The following PPP6R2 variants were observed in gnomAD, a reference collection of about 807,000 sequenced individuals.
PPP6R2 encodes the protein serine/threonine-protein phosphatase 6 regulatory subunit 2.
Under a neutral mutation model 100.2 loss-of-function variants are expected in PPP6R2, and 62 were observed. The ratio of observed to expected loss-of-function variants is 0.62; its 90% CI spans 0.50 to 0.76. The LOEUF (loss-of-function observed/expected upper bound fraction) is 0.76, where lower values mean the gene tolerates loss of function less well. Among genes scored for constraint, PPP6R2 ranks in the 30% least tolerant of loss-of-function variants. The pLI is 0.00. For synonymous variants in PPP6R2, 525 were observed against 514.7 expected (o/e 1.02, Z -0.27); for missense variants, 1,142 against 1,276.3 (o/e 0.89, Z 1.60).
intron 2 of PPP6R2, among the ~76,000 whole-genome samples, chr22:50,378,127 CG>C (rs2052025633): frequency 6.6e-6 from 1 of 152,064 alleles, no homozygotes; most frequent in African/African-American, 2.4e-5. Context: ...TTAAAATAAA[CG>C]AAAAACACAG....
chr22:50,377,720 A>T (rs1195085783), intron 2 of PPP6R2, among the ~76,000 whole-genome samples: 1 of 152,146 alleles, frequency 6.6e-6, no homozygotes, highest in South Asian at 2.1e-4. Flanking sequence ...AGAAGTCTAC[A>T]GATTTAGGCC....
intron 1 of PPP6R2, among the ~76,000 whole-genome samples, chr22:50,365,358 G>A (rs899471214): frequency 2.2e-4 from 33 of 151,972 alleles, no homozygotes; most frequent in South Asian, 2.1e-4. Flanking sequence ...GGTATGAGCC[G>A]CCGTGCCTGG....
intron 1 of PPP6R2, among the ~76,000 whole-genome samples, chr22:50,359,249 T>C (rs2047287835): frequency 6.7e-6 from 1 of 150,072 alleles, no homozygotes; most frequent in South Asian, 2.1e-4. Flanking sequence ...AACTGAGTCT[T>C]GCTCTGTCGC....
In PPP6R2 at chr22:50,372,038, T is replaced by C. The variant is rs2050339302; in HGVS notation, c.-129T>C. 1.3e-5 allele frequency: 2 copies of C among 152,310 alleles called. No individual in the cohort carries two copies. Among genetic ancestry groups the C allele is most frequent in the East Asian group, 3.9e-4 (2 of 5,194 alleles). 9.4% of individuals were successfully genotyped at this position (152,310 alleles called of 1,614,324 possible). A position where few individuals can be genotyped will look rare whatever the true frequency, so the allele number is the denominator to read the frequency against. On this transcript the variant is annotated 5_prime_UTR_variant, in exon 2 of 24. Coordinates refer to ENST00000612753, the MANE Select transcript of PPP6R2 (RefSeq NM_001242898.2). The stretch of plus-strand genomic sequence containing the variant: ...TTTTCAGGTAAAGAGATTATAAATC[T>C]TCCACTGAATGAAAAAAATTTTCTT...
chr22:50,386,246 G>A (rs899819098), intron 2 of PPP6R2, among the ~76,000 whole-genome samples: 7 of 151,168 alleles, frequency 4.6e-5, no homozygotes, highest in East Asian at 2.0e-4. Flanking sequence ...GGGTTCAAGC[G>A]ATTCTCCTGC....
chr22:50,437,484 T>TTCCC, intron 15 of PPP6R2, 22 bp from the exon 16 acceptor site: 1 of 542,130 alleles, frequency 1.8e-6, no homozygotes, highest in Non-Finnish European at 3.6e-6. Context: ...TGTCCGTCCC[T>TTCCC]CCCTCCCTCC....
chr22:50,433,150 G>A (rs1241148384), intron 12 of PPP6R2, among the ~76,000 whole-genome samples: 1 of 152,198 alleles, frequency 6.6e-6, no homozygotes, highest in Admixed American at 6.5e-5. Context: ...AAACAGAAGT[G>A]TCCTGGAGGA....
chr22:50,420,617 C>T (rs749128550), intron 8 of PPP6R2, among the ~76,000 whole-genome samples: 3 of 152,214 alleles, frequency 2.0e-5, no homozygotes, highest in East Asian at 1.9e-4. Context: ...CTGCCAGAGC[C>T]GTTCAAGCAG....
chr22:50,362,828 A>G (rs1602330632), intron 1 of PPP6R2, among the ~76,000 whole-genome samples: 2 of 152,090 alleles, frequency 1.3e-5, no homozygotes, highest in African/African-American at 2.4e-5. Flanking sequence ...TCAGCAACCT[A>G]ATTGGCCAGC....
chr22:50,390,675 C>T (rs1046746564), intron 2 of PPP6R2, among the ~76,000 whole-genome samples: 2 of 151,234 alleles, frequency 1.3e-5, no homozygotes, highest in East Asian at 3.9e-4. Flanking sequence ...AAAGAGAAGA[C>T]ATAACAATCC....
intron 8 of PPP6R2, among the ~76,000 whole-genome samples, chr22:50,420,658 G>A (rs572092298): frequency 4.6e-5 from 7 of 152,308 alleles, no homozygotes; most frequent in Admixed American, 1.3e-4. Flanking sequence ...CCCATGAGGC[G>A]CAAATGGAAA....
intron 1 of PPP6R2, among the ~76,000 whole-genome samples, chr22:50,356,689 C>T (rs1354092219): frequency 2.6e-5 from 4 of 152,010 alleles, no homozygotes; most frequent in South Asian, 4.1e-4. Context: ...TATGCCAGCA[C>T]TTTAAAGGAG....
chr22:50,396,436 A>G (rs561931165), intron 3 of PPP6R2, among the ~76,000 whole-genome samples: 8 of 151,420 alleles, frequency 5.3e-5, no homozygotes, highest in East Asian at 1.9e-4. Flanking sequence ...TAGAGGTTTC[A>G]GTGAGCCAAG....
At chr22:50,442,345 G>A (rs1013468291) in intron 22 of PPP6R2, among the ~76,000 whole-genome samples, 11 of 152,326 alleles carry the variant, frequency 7.2e-5, no homozygotes, top group Admixed American at 6.5e-5. Context: ...AGCAGGCCCC[G>A]TCTGTGCTCA....
intron 10 of PPP6R2, among the ~76,000 whole-genome samples, chr22:50,427,754 G>A (rs1332222707): frequency 1.4e-5 from 2 of 146,562 alleles, no homozygotes; most frequent in Admixed American, 1.4e-4. Flanking sequence ...ACCGAGTCTC[G>A]CTGTCGCCCA....
intron 17 of PPP6R2, 122 bp downstream of exon 17, chr22:50,438,022 C>T (rs1395825880): frequency 1.1e-5 from 16 of 1,492,896 alleles, no homozygotes; most frequent in African/African-American, 1.4e-5. Flanking sequence ...CTGTGGAGCT[C>T]GGAACAGTCG....
intron 1 of PPP6R2, among the ~76,000 whole-genome samples, chr22:50,355,854 C>A (rs1429046192): frequency 4.1e-5 from 6 of 144,892 alleles, no homozygotes; most frequent in South Asian, 2.2e-4. Flanking sequence ...AAAAAAAAAC[C>A]AAAAAAAAAG....
chr22:50,444,044 C>T lies in PPP6R2; in HGVS notation c.2758C>T (p.Pro920Ser). ...CTCTTCTGCACTGGCCGTGGCGGTC[C>T]CCCTAGGGCCCATCATGGCAGTCAC... Reference protein sequence around the residue: ...AVSSALAVAVPLGPIMAVTAA... With the variant: ...AVSSALAVAVSLGPIMAVTAA... The change falls in exon 23 of 24, where the codon CCC becomes TCC. Residue 920 changes from proline to serine, a missense_variant. Coordinates refer to ENST00000612753, the MANE Select transcript of PPP6R2 (RefSeq NM_001242898.2). 1 of 1,613,060 alleles carries T rather than the reference C, an allele frequency of 6.2e-7. No homozygotes were observed. The highest frequency in any genetic ancestry group is 8.5e-7 in the Non-Finnish European group (1 of 1,179,720).
At chr22:50,361,758 T>C (rs907222564) in intron 1 of PPP6R2, among the ~76,000 whole-genome samples, 1 of 152,134 alleles carries the variant, frequency 6.6e-6, no homozygotes, top group Non-Finnish European at 1.5e-5. Flanking sequence ...GATTATATTA[T>C]TGACAACAAA....
Sources: gnomAD v4.1 joint callset for allele counts (sites outside exome capture counted in the v4.1 genomes callset) on GRCh38, gnomAD v4.1.1 for gene constraint, MANE v1.5 for transcripts, NCBI Gene and HGNC (gene_info 2026-07-23, HGNC 2026-07-21) for gene names.